MYO7B: variants seen among roughly 807,000 people sequenced by gnomAD.
MYO7B encodes the protein unconventional myosin-VIIb.
MYO7B carries 212 observed loss-of-function variants against 259.7 expected under a neutral mutation model. That is an observed-to-expected ratio of 0.82 (90% CI 0.73 to 0.91). The LOEUF is 0.91. Among genes scored for constraint, MYO7B ranks in the 40% least tolerant of loss-of-function variants. MYO7B has a pLI of 0.00. For synonymous variants in MYO7B, 1,197 were observed against 1,166.4 expected (o/e 1.03, Z -0.54); for missense variants, 2,732 against 2,813.5 (o/e 0.97, Z 0.66).
Position 127,559,262 on chromosome 2 carries a change from A to T in MYO7B, c.-23-438A>T, listed in dbSNP as rs1415295988. 6.6e-6 allele frequency among the ~76,000 whole-genome samples: 1 copy of T among 152,210 alleles called. No homozygotes were observed. The highest frequency in any genetic ancestry group is 1.5e-5 in the Non-Finnish European group (1 of 68,036). ...TAATTAACTGAGTGGCATTTCCTGC[A>T]TTGAGTCCCATGTCTAAAGTGAGGG... On this transcript the variant is annotated intron_variant, in intron 1 of 47. Transcript: ENST00000409816. The surrounding 1 kb of genome is among the most constrained non-coding windows in gnomAD (Gnocchi z 4.1).
rs1679220602 is a variant in MYO7B, at chr2:127,584,315, G to A, written c.1537G>A (p.Glu513Lys). The A allele has an allele frequency of 6.2e-7, 1 of 1,613,956 alleles. No homozygotes were observed. The highest frequency in any genetic ancestry group is 8.5e-7 in the Non-Finnish European group (1 of 1,179,884). Residue 513 changes from glutamate to lysine, a missense_variant, in exon 13 of 48, where the codon GAA becomes AAA. By Grantham distance (56) the Glu-to-Lys change is moderately conservative (BLOSUM62 1). This residue lies in a region of MYO7B where 1,906 missense variants were observed against 2,026.4 expected (regional missense o/e 0.94). Coordinates refer to ENST00000409816, the MANE Select transcript of MYO7B (RefSeq NM_001393586.1). This position sits in a 1 kb window ranked among gnomAD's most constrained non-coding sequence, Gnocchi z 5.8. ...PMSIISLLDEESRFPQGTDLT... is the reference protein window; with the variant it reads ...PMSIISLLDEKSRFPQGTDLT... The stretch of plus-strand genomic sequence containing the variant: ...GAGCATCATCTCCCTCCTGGACGAA[G>A]AAAGCCGCTTCCCGCAGGTGTGTGT...
intron 29 of MYO7B, 122 bp downstream of exon 29, chr2:127,623,497 C>G (rs1419293426): frequency 9.3e-7 from 1 of 1,078,216 alleles, no homozygotes; most frequent in Non-Finnish European, 1.3e-6. Context: ...CTGCCAGGCA[C>G]AGCACTGCTT....
chr2:127,622,173 A>G (rs1045562335), intron 28 of MYO7B, 72 bp downstream of exon 28: 17 of 1,476,654 alleles, frequency 1.2e-5, no homozygotes, highest in Middle Eastern at 4.8e-4. Flanking sequence ...AGCACAGCTC[A>G]TGGGGTGCCT....
At chr2:127,617,487 G>GATTT (rs1680614627) in intron 26 of MYO7B, among the ~76,000 whole-genome samples, 1 of 84,828 alleles carries the variant, frequency 1.2e-5, no homozygotes, top group Non-Finnish European at 2.2e-5. Context: ...TTGTAACGGG[G>GATTT]TTTTTTTTTT....
chr2:127,617,186 G>A (rs951892483), intron 26 of MYO7B, among the ~76,000 whole-genome samples: 8 of 152,126 alleles, frequency 5.3e-5, no homozygotes, highest in East Asian at 1.9e-4. Context: ...TACAAGCCAC[G>A]AAAGACAAAG....
At position 127,636,796 on chromosome 2, in the gene MYO7B, C is replaced by T; in HGVS notation, c.6210C>T (p.Asp2070=). The T allele has an allele frequency of 1.9e-6, 3 of 1,613,374 alleles. No homozygotes were observed. Among genetic ancestry groups the T allele is most frequent in the Non-Finnish European group, 2.5e-6 (3 of 1,179,796 alleles). The part of the protein sequence containing the change: ...GVLLIHPKTK[D]LLTTYPFTKI... ...CCACCCACCCTCTCTGCCCCCAGGA[C>T]CTGCTCACCACCTATCCCTTCACCA... The change falls in exon 47 of 48, where the codon GAC becomes GAT. Residue 2070 remains aspartate (D), a splice_region_variant and synonymous_variant. Transcript: ENST00000409816. This position sits in a 1 kb window ranked among gnomAD's most constrained non-coding sequence, Gnocchi z 4.5.
At chr2:127,581,272 G>A (rs989814939) in intron 10 of MYO7B, among the ~76,000 whole-genome samples, 8 of 152,096 alleles carry the variant, frequency 5.3e-5, no homozygotes, top group Admixed American at 3.3e-4. Flanking sequence ...TAGCCTTCCC[G>A]GTTGTTCCCC....
chr2:127,596,959 A>G (rs1462710974), intron 19 of MYO7B, among the ~76,000 whole-genome samples: 3 of 152,284 alleles, frequency 2.0e-5, no homozygotes, highest in African/African-American at 7.2e-5. Flanking sequence ...GTTGTAATCC[A>G]GGATCAGTGG....
At chr2:127,633,483 A>G in intron 40 of MYO7B, 120 bp downstream of exon 40, 1 of 962,540 alleles carries the variant, frequency 1.0e-6, no homozygotes, top group African/African-American at 1.6e-5. Flanking sequence ...GGGCTGTCCC[A>G]TCCTAACCAG....
chr2:127,637,497 G>C lies in MYO7B; in HGVS notation c.*80G>C, dbSNP rs996484631. On this transcript the variant is annotated 3_prime_UTR_variant, in exon 48 of 48. Transcript: ENST00000409816. Reference sequence around the variant, plus strand: ...CACCTTCCCAGGCCCTCTCAACCCAGGGCCTGTCCTTGGCGGGCAGCCTTC... The same window carrying C: ...CACCTTCCCAGGCCCTCTCAACCCACGGCCTGTCCTTGGCGGGCAGCCTTC... 1 of 1,110,948 alleles carries C rather than the reference G, an allele frequency of 9.0e-7. No individual in the cohort carries two copies. The highest frequency in any genetic ancestry group is 1.6e-5 in the African/African-American group (1 of 63,162). The allele number at this position is 1,110,948 out of a possible 1,614,324, so 68.8% of individuals were successfully genotyped here. A position where few individuals can be genotyped will look rare whatever the true frequency, so the allele number is the denominator to read the frequency against.
intron 9 of MYO7B, among the ~76,000 whole-genome samples, chr2:127,580,307 GCTTAC>G (rs1296108210): frequency 6.6e-6 from 1 of 152,182 alleles, no homozygotes; most frequent in Non-Finnish European, 1.5e-5. Context: ...GCCAGGCCTG[GCTTAC>G]AGCTGGAGCT....
chr2:127,632,290 G>A lies in MYO7B; in HGVS notation c.5294G>A (p.Gly1765Asp). The change falls in exon 39 of 48, where the codon GGC (glycine) becomes GAC (aspartate). Residue 1765 changes from glycine (G) to aspartate (D), a missense_variant. Physicochemically the swap from Gly to Asp is moderately conservative, Grantham distance 94. Transcript: ENST00000409816. ...TGGCAGCTGCTGTGGCTGTGCACGGGCCTCTTCCCGCCCAGCAAGGGGCTG... is the reference window on the plus strand; with the variant it reads ...TGGCAGCTGCTGTGGCTGTGCACGGACCTCTTCCCGCCCAGCAAGGGGCTG... ...RGWQLLWLCT[G>D]LFPPSKGLLP... 2 of 1,611,714 alleles carry A rather than the reference G, an allele frequency of 1.2e-6. No individual in the cohort carries two copies. Among genetic ancestry groups the A allele is most frequent in the Non-Finnish European group, 1.7e-6 (2 of 1,179,480 alleles).
At chr2:127,612,656 G>C (rs1008569674) in intron 26 of MYO7B, 53 bp downstream of exon 26, 3 of 1,589,676 alleles carry the variant, frequency 1.9e-6, no homozygotes, top group Non-Finnish European at 2.6e-6. Context: ...TGCCCTCACT[G>C]GCTCTCAGCC....
At chr2:127,602,185 G>T (rs1243713338) in intron 19 of MYO7B, among the ~76,000 whole-genome samples, 2 of 152,064 alleles carry the variant, frequency 1.3e-5, no homozygotes, top group Non-Finnish European at 2.9e-5. Context: ...TAAAGTGGTT[G>T]CATTAGGTAT....
intron 18 of MYO7B, among the ~76,000 whole-genome samples, chr2:127,595,417 C>T (rs1679726679): frequency 6.6e-6 from 1 of 152,086 alleles, no homozygotes; most frequent in Non-Finnish European, 1.5e-5. Flanking sequence ...TTCAAAAAAT[C>T]AGCTCCTGGA....
At position 127,637,630 on chromosome 2, in the gene MYO7B, C is replaced by T. The variant is rs1393056452; in HGVS notation, c.*213C>T. The T allele has an allele frequency of 2.0e-5, 9 of 455,258 alleles. No homozygotes were observed. The highest frequency in any genetic ancestry group is 9.9e-5 in the African/African-American group (5 of 50,578). The allele number at this position is 455,258 out of a possible 1,614,324, so 28.2% of individuals were successfully genotyped here. On this transcript the variant is annotated 3_prime_UTR_variant, in exon 48 of 48. Coordinates refer to ENST00000409816, the MANE Select transcript of MYO7B (RefSeq NM_001393586.1). ...GGGCCCAGAATGGGGTCGGGAGTCTCGGACCCCCAGGCTATTGGTGGATGA... is the reference window on the plus strand; with the variant it reads ...GGGCCCAGAATGGGGTCGGGAGTCTTGGACCCCCAGGCTATTGGTGGATGA...
intron 35 of MYO7B, among the ~76,000 whole-genome samples, chr2:127,630,511 C>T (rs1306306154): frequency 6.6e-6 from 1 of 152,136 alleles, no homozygotes; most frequent in Non-Finnish European, 1.5e-5. Flanking sequence ...TCTGAGAAAC[C>T]CAGAGTGCCG....
chr2:127,560,860 C>CTTCA (rs1218336816), intron 2 of MYO7B, among the ~76,000 whole-genome samples: 2 of 152,300 alleles, frequency 1.3e-5, no homozygotes, highest in Admixed American at 6.5e-5. Context: ...CGAGGAGGAC[C>CTTCA]TTCACTACGC....
At chr2:127,549,550 T>C (rs372688385) in intron 1 of MYO7B, among the ~76,000 whole-genome samples, 1 of 152,230 alleles carries the variant, frequency 6.6e-6, no homozygotes, top group South Asian at 2.1e-4. Flanking sequence ...CTGTGAAGAA[T>C]AGAAGACTCG....
Sources: gnomAD v4.1 joint callset for allele counts (sites outside exome capture counted in the v4.1 genomes callset) on GRCh38, gnomAD v4.1.1 for gene constraint, gnomAD v4.1.1 regional missense constraint, Gnocchi (gnomAD v3.1) non-coding constraint, MANE v1.5 for transcripts, NCBI Gene and HGNC (gene_info 2026-07-23, HGNC 2026-07-21) for gene names.